Variants in KIAA1549L observed in about 807,000 individuals in gnomAD.
The protein encoded by KIAA1549L is UPF0606 protein KIAA1549L.
KIAA1549L carries 88 observed loss-of-function variants against 160.7 expected under a neutral mutation model. The ratio of observed to expected loss-of-function variants is 0.55; its 90% CI spans 0.46 to 0.65. The LOEUF (loss-of-function observed/expected upper bound fraction) is 0.65. KIAA1549L is among the 30% of genes least tolerant of loss of function. KIAA1549L has a pLI of 0.00. For missense variants in KIAA1549L, 2,258 were observed against 2,437.5 expected, an observed-to-expected ratio of 0.93 and a Z score of 1.55; for synonymous variants, 950 against 976.7, an observed-to-expected ratio of 0.97 and a Z score of 0.51.
intron 1 of KIAA1549L, among the ~76,000 whole-genome samples, chr11:33,391,016 A>G (rs1850262964): frequency 2.0e-5 from 3 of 152,238 alleles, no homozygotes. Context: ...TTCACAGGCC[A>G]GTCAACTAGT....
intron 20 of KIAA1549L, chr11:33,665,456 A>G (rs1852411333): frequency 6.6e-6 from 1 of 152,240 alleles, no homozygotes; most frequent in African/African-American, 2.4e-5. Flanking sequence ...ACATCTCTGC[A>G]TGTCTCTGAA....
At chr11:33,601,977 T>C (rs980201745) in intron 13 of KIAA1549L, among the ~76,000 whole-genome samples, 2 of 152,204 alleles carry the variant, frequency 1.3e-5, no homozygotes, top group Admixed American at 1.3e-4. Flanking sequence ...CTCAACCAAA[T>C]AGACATTTGA....
chr11:33,532,498 G>A (rs961881172), intron 1 of KIAA1549L, among the ~76,000 whole-genome samples: 3 of 152,134 alleles, frequency 2.0e-5, no homozygotes, highest in Admixed American at 6.5e-5. Context: ...AAAACCATTC[G>A]TGAGGTAAGT....
chr11:33,455,620 A>G (rs984826541), intron 1 of KIAA1549L, among the ~76,000 whole-genome samples: 2 of 152,330 alleles, frequency 1.3e-5, no homozygotes, highest in Middle Eastern at 3.4e-3. Context: ...AAAATACTGT[A>G]TCTGAATGAT....
At chr11:33,416,163 C>T (rs1369376735) in intron 1 of KIAA1549L, among the ~76,000 whole-genome samples, 1 of 152,122 alleles carries the variant, frequency 6.6e-6, no homozygotes, top group Non-Finnish European at 1.5e-5. Context: ...CCTGAAAACC[C>T]TCCATGTGAT....
intron 1 of KIAA1549L, among the ~76,000 whole-genome samples, chr11:33,455,385 T>C: frequency 6.6e-6 from 1 of 151,810 alleles, no homozygotes; most frequent in East Asian, 1.9e-4. Context: ...GATATAAATA[T>C]TTCCATTATG....
chr11:33,497,043 T>C (rs1852837010), intron 1 of KIAA1549L, among the ~76,000 whole-genome samples: 1 of 152,130 alleles, frequency 6.6e-6, no homozygotes, highest in Non-Finnish European at 1.5e-5. Context: ...CCCTTACCAC[T>C]CACACGGTAG....
chr11:33,531,350 C>T (rs1056374650), intron 1 of KIAA1549L, among the ~76,000 whole-genome samples: 17 of 152,308 alleles, frequency 1.1e-4, no homozygotes, highest in South Asian at 8.3e-4. Flanking sequence ...TGGCGGGTGC[C>T]TGTAGTCCCA....
chr11:33,581,156 G>T (rs1312454627), intron 10 of KIAA1549L, among the ~76,000 whole-genome samples: 1 of 152,162 alleles, frequency 6.6e-6, no homozygotes, highest in Non-Finnish European at 1.5e-5. Context: ...AGCCACAGGA[G>T]GGTTTGGTGG....
At chr11:33,615,644 C>T (rs1034209221) in intron 15 of KIAA1549L, among the ~76,000 whole-genome samples, 5 of 152,006 alleles carry the variant, frequency 3.3e-5, no homozygotes, top group East Asian at 1.9e-4. Context: ...ATGTTGCCTC[C>T]GAGACAAAAG....
intron 16 of KIAA1549L, among the ~76,000 whole-genome samples, chr11:33,626,413 G>A (rs2133365730): frequency 7.1e-6 from 1 of 141,322 alleles, no homozygotes; most frequent in African/African-American, 3.1e-5. Flanking sequence ...TCTTCCATTT[G>A]TTTGTATCCT....
In KIAA1549L at chr11:33,542,227, C is replaced by T; in HGVS notation, c.664C>T (p.Pro222Ser). ...CTTCAGTGCTGTCCCCCCATCCCAGCCAGTATGGGCAGGGACTTCCTCCAT... is the reference window on the plus strand; with the variant it reads ...CTTCAGTGCTGTCCCCCCATCCCAGTCAGTATGGGCAGGGACTTCCTCCAT... Reference protein sequence around the residue: ...TSFSAVPPSQPVWAGTSSISK... With the variant: ...TSFSAVPPSQSVWAGTSSISK... Residue 222 changes from proline to serine, a missense_variant, in exon 2 of 21, where the codon CCA becomes TCA. By Grantham distance (74) the Pro-to-Ser change is moderately conservative. Around this residue, in one of 6 missense-constraint regions of KIAA1549L, gnomAD observed 540 missense variants for 465.7 expected, o/e 1.16. Transcript: ENST00000658780. The T allele has an allele frequency of 7.5e-6, 5 of 662,336 alleles. No individual in the cohort carries two copies. Among genetic ancestry groups the T allele is most frequent in the Non-Finnish European group, 1.1e-5 (4 of 357,336 alleles). 41.0% of individuals were successfully genotyped at this position (662,336 alleles called of 1,614,324 possible). A position where few individuals can be genotyped will look rare whatever the true frequency, so the allele number is the denominator to read the frequency against.
intron 1 of KIAA1549L, among the ~76,000 whole-genome samples, chr11:33,437,079 A>G (rs1851396237): frequency 6.6e-6 from 1 of 152,206 alleles, no homozygotes; most frequent in South Asian, 2.1e-4. Flanking sequence ...TGTCAGCATT[A>G]TAATTTGTAT....
At chr11:33,534,761 A>G (rs1364235671) in intron 1 of KIAA1549L, among the ~76,000 whole-genome samples, 1 of 152,106 alleles carries the variant, frequency 6.6e-6, no homozygotes, top group Non-Finnish European at 1.5e-5. Context: ...TGATGTTCCA[A>G]ACAAACTTAC....
intron 16 of KIAA1549L, among the ~76,000 whole-genome samples, chr11:33,624,097 C>G (rs1182859736): frequency 6.6e-6 from 1 of 152,156 alleles, no homozygotes; most frequent in Admixed American, 6.5e-5. Context: ...TAAAGTTGGG[C>G]TATGGTACAG....
chr11:33,509,887 C>T (rs903625751), intron 1 of KIAA1549L, among the ~76,000 whole-genome samples: 2 of 152,136 alleles, frequency 1.3e-5, no homozygotes, highest in Non-Finnish European at 1.5e-5. Flanking sequence ...CACAGTGTTC[C>T]GTGTTCTCCT....
In KIAA1549L at chr11:33,591,382, G is replaced by A; in HGVS notation, c.4712G>A (p.Ser1571Asn). ...GAAAGAGACGTCGCTCAGGATGGAA[G>A]CACCATCAAGACCGCCAAATCCACT... ...PQERDVAQDG[S>N]TIKTAKSTET... The change falls in exon 12 of 21, where the codon AGC becomes AAC. Residue 1571 changes from serine to asparagine, a missense_variant. Ser to Asn is a conservative substitution (Grantham distance 46). Transcript: ENST00000658780. 2 of 1,611,600 alleles carry A rather than the reference G, an allele frequency of 1.2e-6. No individual in the cohort carries two copies. Among genetic ancestry groups the A allele is most frequent in the Non-Finnish European group, 1.7e-6 (2 of 1,178,074 alleles).
At chr11:33,495,706 A>T (rs926170221) in intron 1 of KIAA1549L, among the ~76,000 whole-genome samples, 13 of 152,020 alleles carry the variant, frequency 8.6e-5, no homozygotes, top group Middle Eastern at 3.2e-3. Flanking sequence ...CGCCACACCG[A>T]CTTCCACAAT....
chr11:33,501,032 C>T (rs1321443285), intron 1 of KIAA1549L, among the ~76,000 whole-genome samples: 3 of 152,074 alleles, frequency 2.0e-5, no homozygotes, highest in Non-Finnish European at 2.9e-5. Context: ...CTCCAATCCA[C>T]TTATTGCTGT....
Sources: allele counts gnomAD v4.1 joint callset (sites outside exome capture counted in the v4.1 genomes callset), GRCh38; gene constraint gnomAD v4.1.1; regional missense constraint gnomAD v4.1.1; transcripts MANE v1.5; gene names NCBI Gene and HGNC (gene_info 2026-07-23, HGNC 2026-07-21).